WWP2: variants seen among roughly 807,000 people sequenced by gnomAD.
WWP2 encodes the protein NEDD4-like E3 ubiquitin-protein ligase WWP2.
Under a neutral mutation model 121.0 loss-of-function variants are expected in WWP2, and 57 were observed. The observed-to-expected ratio is 0.47, with a 90% CI of 0.38 to 0.59. The LOEUF (loss-of-function observed/expected upper bound fraction) is 0.59, where lower values mean the gene tolerates loss of function less well. Among genes scored for constraint, WWP2 ranks in the 20% least tolerant of loss-of-function variants. The pLI, the probability that WWP2 is intolerant of heterozygous loss-of-function variation, is 0.00. For missense variants in WWP2, 962 were observed against 1,158.9 expected (o/e 0.83, Z 2.47); for synonymous variants, 449 against 441.3 (o/e 1.02, Z -0.22).
intron 6 of WWP2, among the ~76,000 whole-genome samples, chr16:69,850,378 C>G (rs1039325564): frequency 1.7e-4 from 23 of 132,660 alleles, no homozygotes; most frequent in African/African-American, 6.1e-4. Context: ...CAGACTGAGA[C>G]TCCATCTCAA....
rs145709330 is a variant in WWP2, at chr16:69,857,765, G to A, written c.576-14039G>A. 3.5e-3 allele frequency among the ~76,000 whole-genome samples: 513 copies of A among 148,102 alleles called. 4 individuals are homozygous for A. The highest frequency in any genetic ancestry group is 0.012 in the African/African-American group (490 of 39,938). ...CAGCCTCGACCTCCCAGGCTCAAGTGATCTTCCCACCTCAGTCTCCCAGGT... is the reference window on the plus strand; with the variant it reads ...CAGCCTCGACCTCCCAGGCTCAAGTAATCTTCCCACCTCAGTCTCCCAGGT... On this transcript the variant is annotated intron_variant, in intron 6 of 23. Transcript: ENST00000359154.
At position 69,829,503 on chromosome 16, in the gene WWP2, C is replaced by T. The variant is rs1020893925; in HGVS notation, c.341-10623C>T. Among the ~76,000 whole-genome samples, 9 of 152,326 alleles carry T rather than the reference C, an allele frequency of 5.9e-5. 1 individual carries two copies. The highest frequency in any genetic ancestry group is 2.9e-5 in the Non-Finnish European group (2 of 68,032). On this transcript the variant is annotated intron_variant, in intron 4 of 23. Transcript: ENST00000359154. ...TCATCTCTGCCCACTTTCCTGAATG[C>T]ACCCAGCTCATTGTGCCACAGGACC...
intron 1 of WWP2, among the ~76,000 whole-genome samples, chr16:69,781,886 A>G (rs2055671251): frequency 6.6e-6 from 1 of 152,086 alleles, no homozygotes. Flanking sequence ...TGCTTTTATA[A>G]CAAACCTGCT....
chr16:69,872,259 C>G (rs1567396970), intron 7 of WWP2, among the ~76,000 whole-genome samples: 1 of 151,986 alleles, frequency 6.6e-6, no homozygotes, highest in Non-Finnish European at 1.5e-5. Flanking sequence ...CCCTGTCGCC[C>G]AGGCTGGAGT....
chr16:69,780,074 C>G (rs1241035584), intron 1 of WWP2, among the ~76,000 whole-genome samples: 1 of 152,174 alleles, frequency 6.6e-6, no homozygotes, highest in Admixed American at 6.5e-5. Context: ...TTCCCCACTC[C>G]AATTCCCCTG....
chr16:69,906,147 A>G (rs2058288615), intron 8 of WWP2, among the ~76,000 whole-genome samples: 1 of 150,286 alleles, frequency 6.7e-6, no homozygotes, highest in Non-Finnish European at 1.5e-5. Context: ...ATCTTAGCTC[A>G]CTGCAAGCTC....
chr16:69,880,512 G>A (rs371554868), intron 7 of WWP2, among the ~76,000 whole-genome samples: 1 of 152,120 alleles, frequency 6.6e-6, no homozygotes, highest in South Asian at 2.1e-4. Context: ...TAGGAACTGT[G>A]TTCATCTGTA....
In WWP2 at chr16:69,935,005, T is replaced by C. The variant is rs1368650445; in HGVS notation, c.1843-848T>C. Among the ~76,000 whole-genome samples the C allele has an allele frequency of 1.3e-5, 2 of 151,964 alleles. No homozygotes were observed. Among genetic ancestry groups the C allele is most frequent in the Non-Finnish European group, 2.9e-5 (2 of 67,998 alleles). On this transcript the variant is annotated intron_variant, in intron 17 of 23. Transcript: ENST00000359154. The surrounding 1 kb of genome is among the most constrained non-coding windows in gnomAD (Gnocchi z 5.2). ...CTGGGGAGGGGCGTCCCAGCGTCTGTATTTAACTGGAAAGAGGGACACAAT... is the reference window on the plus strand; with the variant it reads ...CTGGGGAGGGGCGTCCCAGCGTCTGCATTTAACTGGAAAGAGGGACACAAT...
intron 10 of WWP2, among the ~76,000 whole-genome samples, chr16:69,922,036 CCACTG>C (rs944997385): frequency 8.0e-5 from 12 of 150,648 alleles, no homozygotes; most frequent in African/African-American, 3.0e-4. Context: ...TGAGATCATG[CCACTG>C]CACTCCAGCC....
chr16:69,893,669 G>A (rs557091433), intron 8 of WWP2, among the ~76,000 whole-genome samples: 2 of 152,250 alleles, frequency 1.3e-5, no homozygotes, highest in Admixed American at 6.5e-5. Context: ...AGCCTCCCAA[G>A]TAGCTGGGAG....
At chr16:69,857,350 C>T (rs1428076538) in intron 6 of WWP2, among the ~76,000 whole-genome samples, 1 of 152,190 alleles carries the variant, frequency 6.6e-6, no homozygotes, top group Non-Finnish European at 1.5e-5. Context: ...GCCTTGGCCT[C>T]CCAAAGTGCT....
chr16:69,779,919 A>G (rs1263915456), intron 1 of WWP2, among the ~76,000 whole-genome samples: 10 of 152,214 alleles, frequency 6.6e-5, no homozygotes, highest in Admixed American at 6.5e-4. Flanking sequence ...TCAAACATAT[A>G]AAATGGTTAG....
intron 4 of WWP2, among the ~76,000 whole-genome samples, chr16:69,810,717 A>G (rs1468624380): frequency 6.0e-5 from 9 of 149,946 alleles, no homozygotes; most frequent in African/African-American, 2.2e-4. Context: ...GGCATGAGCC[A>G]CTGCGCCCAG....
chr16:69,864,904 G>C (rs1304219151), intron 6 of WWP2, among the ~76,000 whole-genome samples: 1 of 148,606 alleles, frequency 6.7e-6, no homozygotes, highest in Non-Finnish European at 1.5e-5. Context: ...GAGCCACCAC[G>C]TCCAGCCTAA....
Position 69,837,950 on chromosome 16 carries a change from C to T in WWP2, c.341-2176C>T, listed in dbSNP as rs572170895. Among the ~76,000 whole-genome samples, 14 of 152,128 alleles carry T rather than the reference C, an allele frequency of 9.2e-5. No individual in the cohort carries two copies. The East Asian group carries it at 1.7e-3, about 19-fold the overall frequency. The stretch of plus-strand genomic sequence containing the variant: ...TATAAAATGAATGAAGGCTAGGGCG[C>T]GGTGGCTCACTCCTGTAATCCCAGC... On this transcript the variant is annotated intron_variant, in intron 4 of 23. Transcript: ENST00000359154.
Position 69,925,344 on chromosome 16 carries a change from G to T in WWP2, c.1180-86G>T. 6.3e-7 allele frequency: 1 copy of T among 1,576,286 alleles called. No homozygotes were observed. Among genetic ancestry groups the T allele is most frequent in the South Asian group, 1.2e-5 (1 of 86,260 alleles). ...CGCTCAAATGTGGAAGCCAGTCATT[G>T]GCATTTTTATTTTTTATTGATTGAT... On this transcript the variant is annotated intron_variant, in intron 10 of 23. Coordinates refer to ENST00000359154, the MANE Select transcript of WWP2 (RefSeq NM_001270454.2). The surrounding 1 kb of genome is among the most constrained non-coding windows in gnomAD (Gnocchi z 4.0).
At chr16:69,846,049 C>CAAAAGAAA (rs2057070147) in intron 6 of WWP2, among the ~76,000 whole-genome samples, 1 of 45,604 alleles carries the variant, frequency 2.2e-5, no homozygotes, top group Non-Finnish European at 3.6e-5. Context: ...GACTCCATCT[C>CAAAAGAAA]AAAAAAAAAA....
chr16:69,908,341 A>G (rs147030663), intron 8 of WWP2, among the ~76,000 whole-genome samples: 132 of 152,338 alleles, frequency 8.7e-4, no homozygotes, highest in African/African-American at 2.6e-3. Flanking sequence ...GGAGGGGTCT[A>G]TGAAACCCAG....
At chr16:69,829,777 C>G (rs6499259) in intron 4 of WWP2, among the ~76,000 whole-genome samples, 130,046 of 152,046 alleles carry the variant, frequency 0.86, 55,887 homozygotes, top group Admixed American at 0.91. Flanking sequence ...TTAATTGTAA[C>G]GTTCCTAAAA....
Sources: allele counts gnomAD v4.1 joint callset (sites outside exome capture counted in the v4.1 genomes callset), GRCh38; gene constraint gnomAD v4.1.1; non-coding constraint Gnocchi (gnomAD v3.1); transcripts MANE v1.5; gene names NCBI Gene and HGNC (gene_info 2026-07-23, HGNC 2026-07-21).